SYNPR: variants seen among roughly 807,000 people sequenced by gnomAD.
SYNPR encodes synaptoporin.
A neutral mutation model predicts 32.9 loss-of-function variants in SYNPR; 23 were observed. The ratio of observed to expected loss-of-function variants is 0.70; its 90% CI spans 0.50 to 0.99. The LOEUF (loss-of-function observed/expected upper bound fraction) is 0.99. Among genes scored for constraint, SYNPR ranks in the 50% least tolerant of loss-of-function variants. The pLI, the probability that SYNPR is intolerant of heterozygous loss-of-function variation, is 0.00. For missense variants in SYNPR, 318 were observed against 349.3 expected (o/e 0.91, Z 0.71); for synonymous variants, 146 against 135.9 (o/e 1.07, Z -0.52).
intron 2 of SYNPR, among the ~76,000 whole-genome samples, chr3:63,401,288 A>G (rs1294192204): frequency 6.6e-6 from 1 of 152,190 alleles, no homozygotes; most frequent in Non-Finnish European, 1.5e-5. Flanking sequence ...GCAGGTGTAT[A>G]TGCACTCAGG....
chr3:63,413,173 T>C (rs891344752), intron 2 of SYNPR, among the ~76,000 whole-genome samples: 6 of 152,186 alleles, frequency 3.9e-5, no homozygotes, highest in Non-Finnish European at 4.4e-5. Flanking sequence ...ATAACCTTCC[T>C]CATTAAAAAA....
At chr3:63,524,446 A>G (rs1330861602) in intron 3 of SYNPR, among the ~76,000 whole-genome samples, 1 of 152,190 alleles carries the variant, frequency 6.6e-6, no homozygotes, top group Non-Finnish European at 1.5e-5. Flanking sequence ...GCAGGATCGC[A>G]GATGGGGGTG....
At chr3:63,232,036 G>C (rs878857673) in intron 1 of SYNPR, among the ~76,000 whole-genome samples, 2 of 152,058 alleles carry the variant, frequency 1.3e-5, no homozygotes, top group Non-Finnish European at 2.9e-5. Context: ...AAATCAAAGA[G>C]TTATAACTCA....
chr3:63,595,721 A>T (rs1192050552), intron 4 of SYNPR, among the ~76,000 whole-genome samples: 2 of 5,506 alleles, frequency 3.6e-4, no homozygotes, highest in Non-Finnish European at 7.3e-4. Flanking sequence ...CTTATTTTAT[A>T]TATATATATA....
At chr3:63,418,392 C>T (rs992768591) in intron 2 of SYNPR, among the ~76,000 whole-genome samples, 3 of 152,178 alleles carry the variant, frequency 2.0e-5, no homozygotes, top group Non-Finnish European at 2.9e-5. Flanking sequence ...CCCACATTTT[C>T]CTGTGTTCTT....
chr3:63,566,083 C>T (rs552405104), intron 4 of SYNPR, among the ~76,000 whole-genome samples: 2 of 152,126 alleles, frequency 1.3e-5, no homozygotes, highest in Non-Finnish European at 2.9e-5. Context: ...TTAGATGTTA[C>T]TCATCAAAGA....
rs554800554 is a variant in SYNPR at position 63,339,876 on chromosome 3, C to T, written c.84+61134C>T. 9.3e-4 allele frequency among the ~76,000 whole-genome samples: 142 copies of T among 152,132 alleles called. 1 individual carries two copies. Among genetic ancestry groups the T allele is most frequent in the Non-Finnish European group, 1.7e-3 (114 of 67,998 alleles). On this transcript the variant is annotated intron_variant, in intron 2 of 5. Transcript: ENST00000478300. ...TTCACTATGTTGGCCAGGCTGGTCT[C>T]GAACTCCTGACCTCAGGTGATCTGC...
chr3:63,561,768 G>A (rs1702693798), intron 4 of SYNPR, among the ~76,000 whole-genome samples: 4 of 152,116 alleles, frequency 2.6e-5, no homozygotes, highest in Admixed American at 2.6e-4. Context: ...CAGGATAAAT[G>A]TGTATTGTGA....
chr3:63,330,730 C>T (rs2087218685), intron 2 of SYNPR, among the ~76,000 whole-genome samples: 1 of 151,972 alleles, frequency 6.6e-6, no homozygotes, highest in African/African-American at 2.4e-5. Flanking sequence ...ATTATTGTTA[C>T]TATTATTATT....
intron 4 of SYNPR, among the ~76,000 whole-genome samples, chr3:63,581,068 C>G (rs781369602): frequency 7.9e-5 from 12 of 152,128 alleles, no homozygotes; most frequent in Non-Finnish European, 1.8e-4. Context: ...CCCCTGTACT[C>G]TACACTCTAC....
intron 5 of SYNPR, among the ~76,000 whole-genome samples, chr3:63,613,760 A>G (rs568536054): frequency 2.7e-4 from 41 of 152,196 alleles, no homozygotes; most frequent in Non-Finnish European, 3.8e-4. Flanking sequence ...ATCCTCTTTA[A>G]TCCTCCCAAC....
chr3:63,615,504 T>G lies in SYNPR; in HGVS notation c.*23T>G, dbSNP rs776939803. 7 of 1,598,856 alleles carry G rather than the reference T, an allele frequency of 4.4e-6. No homozygotes were observed. The highest frequency in any genetic ancestry group is 6.0e-6 in the Non-Finnish European group (7 of 1,171,080). ...TAACAGAGTAGCATTTGCATTCTTC[T>G]GCAGTCGCCTCACCATCTTCCATTT... On this transcript the variant is annotated 3_prime_UTR_variant, in exon 6 of 6. Coordinates refer to ENST00000478300, the MANE Select transcript of SYNPR (RefSeq NM_001130003.2).
At chr3:63,279,872 T>G (rs2086612210) in intron 2 of SYNPR, among the ~76,000 whole-genome samples, 1 of 152,234 alleles carries the variant, frequency 6.6e-6, no homozygotes, top group African/African-American at 2.4e-5. Flanking sequence ...CAATATTGCA[T>G]ACACCAGGAC....
intron 2 of SYNPR, among the ~76,000 whole-genome samples, chr3:63,282,996 C>A (rs573650710): frequency 1.3e-5 from 2 of 152,042 alleles, no homozygotes; most frequent in South Asian, 4.2e-4. Flanking sequence ...AAGCACTGAA[C>A]TGTTAAAATT....
At chr3:63,478,817 A>T (rs1248092102) in intron 2 of SYNPR, among the ~76,000 whole-genome samples, 1 of 152,216 alleles carries the variant, frequency 6.6e-6, no homozygotes, top group Non-Finnish European at 1.5e-5. Context: ...CGACTCCATC[A>T]TTCCATTCTT....
chr3:63,236,356 T>C (rs2086199997), intron 1 of SYNPR, among the ~76,000 whole-genome samples: 1 of 152,102 alleles, frequency 6.6e-6, no homozygotes, highest in African/African-American at 2.4e-5. Context: ...TCAACCATTT[T>C]AGGGCCTATG....
intron 4 of SYNPR, among the ~76,000 whole-genome samples, chr3:63,607,648 T>C (rs1033730739): frequency 5.9e-5 from 9 of 152,232 alleles, no homozygotes; most frequent in African/African-American, 2.2e-4. Context: ...ACATTGGCCC[T>C]TAGTTTTCTA....
chr3:63,452,661 A>C (rs751713646), intron 2 of SYNPR, among the ~76,000 whole-genome samples: 2 of 137,768 alleles, frequency 1.5e-5, no homozygotes, highest in Non-Finnish European at 3.3e-5. Context: ...GATCACTATC[A>C]TTATTTTAAG....
intron 2 of SYNPR, among the ~76,000 whole-genome samples, chr3:63,309,381 C>T (rs2086940061): frequency 6.6e-6 from 1 of 152,008 alleles, no homozygotes; most frequent in Non-Finnish European, 1.5e-5. Context: ...TGCATGTTTG[C>T]TCATCCTTGA....
Sources: allele counts gnomAD v4.1 joint callset (sites outside exome capture counted in the v4.1 genomes callset), GRCh38; gene constraint gnomAD v4.1.1; transcripts MANE v1.5; gene names NCBI Gene and HGNC (gene_info 2026-07-23, HGNC 2026-07-21).